DPP10: variants seen among roughly 807,000 people sequenced by gnomAD.
DPP10 encodes dipeptidyl peptidase like 10.
Under a neutral mutation model 120.9 loss-of-function variants are expected in DPP10, and 33 were observed. The ratio of observed to expected loss-of-function variants is 0.27; its 90% CI spans 0.21 to 0.37. The LOEUF is 0.37. Among genes scored for constraint, DPP10 ranks in the 10% least tolerant of loss-of-function variants. The probability of loss-of-function intolerance (pLI) is 1.00; values close to 1 mark genes in which losing one functional copy is unlikely to be tolerated. For missense variants in DPP10, 816 were observed against 942.8 expected (o/e 0.87, Z 1.76); for synonymous variants, 337 against 326.1 (o/e 1.03, Z -0.36).
chr2:114,749,178 GT>G (rs1678939198), intron 1 of DPP10, among the ~76,000 whole-genome samples: 1 of 147,566 alleles, frequency 6.8e-6, no homozygotes, highest in Non-Finnish European at 1.5e-5. Flanking sequence ...TTTTTCATGT[GT>G]TTTTTGGCTG....
intron 1 of DPP10, among the ~76,000 whole-genome samples, chr2:114,796,081 TGA>T (rs1683685729): frequency 2.0e-5 from 3 of 152,204 alleles, no homozygotes; most frequent in African/African-American, 7.2e-5. Flanking sequence ...CACCTCCTCC[TGA>T]GCAGTTTGTC....
At chr2:115,840,464 A>G (rs888997313) in intron 24 of DPP10, among the ~76,000 whole-genome samples, 1 of 151,360 alleles carries the variant, frequency 6.6e-6, no homozygotes. Context: ...AGCTGGGACT[A>G]CAGGTGCCCG....
chr2:115,393,948 A>G (rs2106554492), intron 3 of DPP10, among the ~76,000 whole-genome samples: 1 of 152,308 alleles, frequency 6.6e-6, no homozygotes, highest in Non-Finnish European at 1.5e-5. Flanking sequence ...AGAACTTTGT[A>G]GTTAGTTGAA....
intron 1 of DPP10, among the ~76,000 whole-genome samples, chr2:114,967,775 T>A (rs548081278): frequency 6.6e-6 from 1 of 151,040 alleles, no homozygotes. Flanking sequence ...CGCCTCTGCC[T>A]TATTTAACAT....
chr2:114,768,257 C>T (rs1680922416), intron 1 of DPP10, among the ~76,000 whole-genome samples: 1 of 151,652 alleles, frequency 6.6e-6, no homozygotes, highest in Non-Finnish European at 1.5e-5. Flanking sequence ...CAAAAGACTT[C>T]CACCAAAGGA....
rs540654833 is a variant in DPP10, at chr2:114,684,573, G to A, written c.60+241735G>A. On this transcript the variant is annotated intron_variant, in intron 1 of 25. Transcript: ENST00000410059. The stretch of plus-strand genomic sequence containing the variant: ...CCCTGGTTGGGTAAGAAACTTGACT[G>A]CACTAGGACACATCAAACAACCAGC... 2.6e-4 allele frequency among the ~76,000 whole-genome samples: 40 copies of A among 152,054 alleles called. No individual in the cohort carries two copies. In the South Asian group the frequency reaches 8.1e-3, roughly 31 times the overall value.
At chr2:114,837,043 C>G (rs1274181949) in intron 1 of DPP10, among the ~76,000 whole-genome samples, 2 of 152,010 alleles carry the variant, frequency 1.3e-5, no homozygotes, top group Non-Finnish European at 2.9e-5. Flanking sequence ...CACACATGCT[C>G]TAAAATTTGT....
intron 1 of DPP10, among the ~76,000 whole-genome samples, chr2:114,841,693 A>G (rs1207797271): frequency 1.3e-5 from 2 of 152,158 alleles, no homozygotes; most frequent in African/African-American, 4.8e-5. Flanking sequence ...CAGATCTACC[A>G]TAAAGTTAAG....
intron 3 of DPP10, among the ~76,000 whole-genome samples, chr2:115,494,503 CATT>C (rs2076291007): frequency 6.6e-6 from 1 of 152,006 alleles, no homozygotes; most frequent in East Asian, 1.9e-4. Flanking sequence ...GAAAGTTTAA[CATT>C]GTTGTGAGCA....
chr2:115,018,797 C>G (rs1054022436), intron 1 of DPP10, among the ~76,000 whole-genome samples: 2 of 152,092 alleles, frequency 1.3e-5, no homozygotes, highest in Non-Finnish European at 2.9e-5. Context: ...ACCACCATGG[C>G]AAGTGTATAC....
chr2:115,582,932 GCTTTCT>G (rs1575241118), intron 5 of DPP10, among the ~76,000 whole-genome samples: 1 of 152,112 alleles, frequency 6.6e-6, no homozygotes, highest in Non-Finnish European at 1.5e-5. Flanking sequence ...GTTGACATCA[GCTTTCT>G]CTTTCTAATT....
At chr2:115,221,760 T>TG (rs1360513701) in intron 1 of DPP10, among the ~76,000 whole-genome samples, 7 of 22,942 alleles carry the variant, frequency 3.1e-4, no homozygotes, top group African/African-American at 6.8e-4. Flanking sequence ...TTCTGTTTTT[T>TG]TTTTTTTTTT....
chr2:114,752,505 A>G (rs1478941788), intron 1 of DPP10, among the ~76,000 whole-genome samples: 1 of 152,222 alleles, frequency 6.6e-6, no homozygotes, highest in East Asian at 1.9e-4. Flanking sequence ...GCCTGGTCTC[A>G]GACTAAGGCT....
intron 1 of DPP10, among the ~76,000 whole-genome samples, chr2:115,224,184 G>A (rs1036695752): frequency 1.3e-5 from 2 of 152,088 alleles, no homozygotes; most frequent in Non-Finnish European, 2.9e-5. Context: ...TCTTAAGGAA[G>A]TGTGCAAAGT....
chr2:114,671,516 A>G (rs914139624), intron 1 of DPP10, among the ~76,000 whole-genome samples: 1 of 151,978 alleles, frequency 6.6e-6, no homozygotes, highest in African/African-American at 2.4e-5. Flanking sequence ...AGCCAAATAA[A>G]CCTCTTTTCT....
chr2:114,476,803 C>A (rs1054307541), intron 1 of DPP10, among the ~76,000 whole-genome samples: 1 of 152,052 alleles, frequency 6.6e-6, no homozygotes, highest in Non-Finnish European at 1.5e-5. Flanking sequence ...TACACAGATA[C>A]CCATGCCTGT....
intron 1 of DPP10, among the ~76,000 whole-genome samples, chr2:115,223,148 A>G (rs949659179): frequency 1.3e-5 from 2 of 152,134 alleles, no homozygotes; most frequent in African/African-American, 2.4e-5. Flanking sequence ...GAATAGACCA[A>G]TGTGAAGGTA....
chr2:115,663,443 CT>C (rs773005547), intron 5 of DPP10, among the ~76,000 whole-genome samples: 19 of 152,194 alleles, frequency 1.2e-4, no homozygotes, highest in South Asian at 6.2e-4. Context: ...CTAGTCTTGA[CT>C]TTTTTCTGTC....
intron 1 of DPP10, among the ~76,000 whole-genome samples, chr2:114,537,655 T>C (rs1395612468): frequency 6.6e-6 from 1 of 152,166 alleles, no homozygotes; most frequent in African/African-American, 2.4e-5. Flanking sequence ...GGACATTCAC[T>C]TCTATTCCAT....
Sources: gnomAD v4.1 joint callset for allele counts (sites outside exome capture counted in the v4.1 genomes callset) on GRCh38, gnomAD v4.1.1 for gene constraint, MANE v1.5 for transcripts, NCBI Gene and HGNC (gene_info 2026-07-23, HGNC 2026-07-21) for gene names.